FGF7: variants seen among roughly 807,000 people sequenced by gnomAD.
FGF7 encodes the protein FGF-7.
Under a neutral mutation model 20.5 loss-of-function variants are expected in FGF7, and 6 were observed. The ratio of observed to expected loss-of-function variants is 0.29; its 90% CI spans 0.16 to 0.58. The LOEUF is 0.58. Ranked by LOEUF, FGF7 falls within the 20% of genes least tolerant of loss-of-function variation. FGF7 has a pLI of 0.90. For missense variants in FGF7, 144 were observed against 228.8 expected, an observed-to-expected ratio of 0.63 and a Z score of 2.39; for synonymous variants, 64 against 74.7, an observed-to-expected ratio of 0.86 and a Z score of 0.74.
At chr15:49,464,190 CCA>C (rs2054062447) in intron 2 of FGF7, among the ~76,000 whole-genome samples, 2 of 152,162 alleles carry the variant, frequency 1.3e-5, no homozygotes, top group East Asian at 1.9e-4. Context: ...ATCAGAATCT[CCA>C]CAGAGTATGT....
chr15:49,430,422 T>C (rs1008307576), intron 2 of FGF7, among the ~76,000 whole-genome samples: 2 of 151,806 alleles, frequency 1.3e-5, no homozygotes, highest in Non-Finnish European at 2.9e-5. Flanking sequence ...CACAACCAAG[T>C]TCAAAGGCAG....
intron 2 of FGF7, among the ~76,000 whole-genome samples, chr15:49,440,470 T>C (rs957499399): frequency 6.6e-6 from 1 of 151,716 alleles, no homozygotes; most frequent in Non-Finnish European, 1.5e-5. Flanking sequence ...ACCAAATACT[T>C]AATTGAAACT....
chr15:49,430,136 G>A (rs1479797100), intron 2 of FGF7, among the ~76,000 whole-genome samples: 5 of 151,980 alleles, frequency 3.3e-5, no homozygotes, highest in East Asian at 1.9e-4. Context: ...TCCAACATTT[G>A]GTGAACTGGC....
chr15:49,439,025 T>A (rs2051367770), intron 2 of FGF7, among the ~76,000 whole-genome samples: 1 of 151,768 alleles, frequency 6.6e-6, no homozygotes, highest in Non-Finnish European at 1.5e-5. Context: ...GTAGCTTAGC[T>A]GAGTGGGTTG....
At chr15:49,473,031 A>C (rs1246774928) in intron 2 of FGF7, among the ~76,000 whole-genome samples, 1 of 152,130 alleles carries the variant, frequency 6.6e-6, no homozygotes. Context: ...TATGTGGACC[A>C]CTCATGTTTC....
chr15:49,451,390 T>C (rs1439165396), intron 2 of FGF7, among the ~76,000 whole-genome samples: 1 of 152,070 alleles, frequency 6.6e-6, no homozygotes, highest in Non-Finnish European at 1.5e-5. Flanking sequence ...TTGAATAGTA[T>C]ATATTTTTAA....
At chr15:49,468,591 G>GAAA (rs2054472131) in intron 2 of FGF7, among the ~76,000 whole-genome samples, 1 of 152,128 alleles carries the variant, frequency 6.6e-6, no homozygotes, top group African/African-American at 2.4e-5. Context: ...GGGTTCATGG[G>GAAA]AAAAGAGAAA....
Position 49,435,482 on chromosome 15 carries a change from C to A in FGF7, c.286+10899C>A, listed in dbSNP as rs1294344128. Among the ~76,000 whole-genome samples the A allele has an allele frequency of 2.0e-5, 3 of 151,610 alleles. No homozygotes were observed. The East Asian group carries it at 5.8e-4, about 29-fold the overall frequency. ...GCCCTCTAATTCATGAAGTATGCTA[C>A]TTTCATAAAACTACTGATATGTCTT... is the stretch of plus-strand genomic sequence containing the variant. On this transcript the variant is annotated intron_variant, in intron 2 of 3. Transcript: ENST00000267843.
intron 2 of FGF7, among the ~76,000 whole-genome samples, chr15:49,446,492 G>C (rs181434417): frequency 7.0e-4 from 106 of 151,610 alleles, no homozygotes; most frequent in Non-Finnish European, 1.3e-3. Context: ...GAATATTTCT[G>C]GGTGCACCTA....
intron 2 of FGF7, among the ~76,000 whole-genome samples, chr15:49,434,948 T>C (rs957800957): frequency 1.3e-5 from 2 of 151,624 alleles, no homozygotes; most frequent in Admixed American, 6.6e-5. Flanking sequence ...ATTGGAATAA[T>C]ATATTTTTTC....
chr15:49,447,813 A>G (rs1001799464), intron 2 of FGF7, among the ~76,000 whole-genome samples: 1 of 151,790 alleles, frequency 6.6e-6, no homozygotes, highest in African/African-American at 2.4e-5. Context: ...TGGAGAAAAC[A>G]TGAAAACATA....
intron 2 of FGF7, among the ~76,000 whole-genome samples, chr15:49,449,277 T>C (rs2052508136): frequency 6.6e-6 from 1 of 152,058 alleles, no homozygotes; most frequent in Non-Finnish European, 1.5e-5. Context: ...AAAGCAATCA[T>C]GAAATCAATC....
intron 2 of FGF7, among the ~76,000 whole-genome samples, chr15:49,431,098 T>C (rs1221177283): frequency 6.6e-6 from 1 of 151,860 alleles, no homozygotes; most frequent in Non-Finnish European, 1.5e-5. Flanking sequence ...AAATTTTATA[T>C]ATCTCACAAT....
At chr15:49,474,169 A>G (rs775870635) in intron 2 of FGF7, among the ~76,000 whole-genome samples, 7 of 152,194 alleles carry the variant, frequency 4.6e-5, no homozygotes, top group Non-Finnish European at 8.8e-5. Flanking sequence ...AAGGAAAATA[A>G]TGAACACTAT....
chr15:49,446,373 A>G (rs902644280), intron 2 of FGF7, among the ~76,000 whole-genome samples: 2 of 151,608 alleles, frequency 1.3e-5, no homozygotes, highest in African/African-American at 2.4e-5. Context: ...ACAAAGATAA[A>G]CAATGTGACT....
At chr15:49,447,667 G>A (rs922868723) in intron 2 of FGF7, among the ~76,000 whole-genome samples, 1 of 151,604 alleles carries the variant, frequency 6.6e-6, no homozygotes, top group Non-Finnish European at 1.5e-5. Flanking sequence ...CTTCATTACT[G>A]AAGAAGATGA....
intron 2 of FGF7, among the ~76,000 whole-genome samples, chr15:49,462,977 TCAA>T (rs973102115): frequency 3.9e-5 from 6 of 152,332 alleles, no homozygotes; most frequent in Admixed American, 1.3e-4. Flanking sequence ...TCTCTAAATA[TCAA>T]CAATACTTTG....
intron 2 of FGF7, among the ~76,000 whole-genome samples, chr15:49,480,903 T>C (rs1221674158): frequency 6.6e-6 from 1 of 152,188 alleles, no homozygotes. Flanking sequence ...AAAGGGAAGA[T>C]GTCTGCCTAT....
At chr15:49,470,290 AAC>A (rs2054624694) in intron 2 of FGF7, among the ~76,000 whole-genome samples, 3 of 152,098 alleles carry the variant, frequency 2.0e-5, no homozygotes, top group Admixed American at 2.0e-4. Flanking sequence ...TTAAAATTAA[AAC>A]ACTATCATTA....
Sources: gnomAD v4.1 joint callset for allele counts (sites outside exome capture counted in the v4.1 genomes callset) on GRCh38, gnomAD v4.1.1 for gene constraint, MANE v1.5 for transcripts, NCBI Gene and HGNC (gene_info 2026-07-23, HGNC 2026-07-21) for gene names.